The following TNIK variants were observed in gnomAD, a reference collection of about 807,000 sequenced individuals.
The protein encoded by TNIK is TRAF2 and NCK-interacting protein kinase.
A neutral mutation model predicts 191.3 loss-of-function variants in TNIK; 49 were observed. The ratio of observed to expected loss-of-function variants is 0.26; its 90% CI spans 0.20 to 0.32. TNIK has a LOEUF of 0.32. TNIK is among the 10% of genes least tolerant of loss of function. The pLI is 1.00. For missense variants in TNIK, 1,155 were observed against 1,702.3 expected (o/e 0.68, Z 5.66); for synonymous variants, 594 against 600.9 (o/e 0.99, Z 0.17).
rs952048412 is a variant in TNIK at position 171,402,448 on chromosome 3, G to A, written c.58-32763C>T. Among the ~76,000 whole-genome samples the A allele has an allele frequency of 3.9e-5, 6 of 152,148 alleles. No individual in the cohort carries two copies. In the East Asian group the frequency reaches 7.7e-4, roughly 20 times the overall value. On this transcript the variant is annotated intron_variant, in intron 1 of 32. Transcript: ENST00000436636. ...TTTCACAATGCTAGTTGTGGGTCTC[G>A]AATTTGGCTGTGAACCACCTGGCAG...
intron 11 of TNIK, among the ~76,000 whole-genome samples, chr3:171,158,929 C>T (rs777002594): frequency 6.6e-6 from 1 of 152,096 alleles, no homozygotes; most frequent in Non-Finnish European, 1.5e-5. Context: ...AACAGGGGTG[C>T]ACCCTATTTT....
At chr3:171,411,613 G>C (rs1444400540) in intron 1 of TNIK, among the ~76,000 whole-genome samples, 1 of 152,138 alleles carries the variant, frequency 6.6e-6, no homozygotes, top group East Asian at 1.9e-4. Flanking sequence ...GAAATGAATA[G>C]ATAATTATGC....
intron 1 of TNIK, among the ~76,000 whole-genome samples, chr3:171,446,410 A>C (rs933022839): frequency 1.3e-5 from 2 of 152,220 alleles, no homozygotes; most frequent in Non-Finnish European, 2.9e-5. Context: ...AACCATATTC[A>C]TGTGAAGCCC....
intron 17 of TNIK, among the ~76,000 whole-genome samples, chr3:171,124,935 A>G (rs1728267456): frequency 6.6e-6 from 1 of 151,888 alleles, no homozygotes; most frequent in African/African-American, 2.4e-5. Context: ...CTCCCTATGT[A>G]CCCTTTTTTT....
chr3:171,450,956 T>A (rs143985995), intron 1 of TNIK, among the ~76,000 whole-genome samples: 154 of 152,298 alleles, frequency 1.0e-3, no homozygotes, highest in African/African-American at 3.4e-3. Context: ...GCCTTAAAGA[T>A]AATAAAGCAC....
intron 3 of TNIK, among the ~76,000 whole-genome samples, chr3:171,214,248 C>A (rs1741197132): frequency 6.6e-6 from 1 of 151,440 alleles, no homozygotes; most frequent in South Asian, 2.1e-4. Context: ...CTCATTTAAC[C>A]ATGTCACAAA....
intron 18 of TNIK, among the ~76,000 whole-genome samples, chr3:171,113,661 C>G (rs1465350587): frequency 1.3e-5 from 2 of 150,848 alleles, no homozygotes; most frequent in African/African-American, 4.9e-5. Context: ...GGCTACTACT[C>G]CCATTAAAAA....
chr3:171,166,731 A>G (rs570142013), intron 10 of TNIK, among the ~76,000 whole-genome samples: 3 of 152,236 alleles, frequency 2.0e-5, no homozygotes, highest in Non-Finnish European at 2.9e-5. Flanking sequence ...AATGTCAACT[A>G]GATGAATTTT....
intron 1 of TNIK, among the ~76,000 whole-genome samples, chr3:171,417,604 T>A (rs755244040): frequency 5.3e-5 from 8 of 152,318 alleles, no homozygotes; most frequent in South Asian, 2.1e-4. Context: ...TAAATTTCCA[T>A]TTCTATTTGT....
At chr3:171,263,481 T>C (rs1747933308) in intron 2 of TNIK, among the ~76,000 whole-genome samples, 1 of 151,228 alleles carries the variant, frequency 6.6e-6, no homozygotes, top group Non-Finnish European at 1.5e-5. Flanking sequence ...AAGGAGGGGG[T>C]TTTCAAATTT....
chr3:171,163,194 GCTCA>G (rs1383653991), intron 10 of TNIK, among the ~76,000 whole-genome samples: 3 of 152,146 alleles, frequency 2.0e-5, no homozygotes, highest in African/African-American at 4.8e-5. Flanking sequence ...GGATGAAATG[GCTCA>G]CTGATTCTTA....
chr3:171,159,044 A>G lies in TNIK; in HGVS notation c.1017-1380T>C, dbSNP rs1225744985. On this transcript the variant is annotated intron_variant, in intron 11 of 32. Transcript: ENST00000436636. The surrounding 1 kb of genome is among the most constrained non-coding windows in gnomAD (Gnocchi z 4.1). ...AGGTGCGGGGCCGCGACAGCCATGC[A>G]GGCACGGGAAGGTTTTATGCAGAAG... 6.6e-6 allele frequency among the ~76,000 whole-genome samples: 1 copy of G among 152,154 alleles called. No homozygotes were observed. Among genetic ancestry groups the G allele is most frequent in the Non-Finnish European group, 1.5e-5 (1 of 68,028 alleles).
At position 171,333,167 on chromosome 3, in the gene TNIK, A is replaced by AGT. The variant is rs752280366; in HGVS notation, c.123+36451_123+36452dup. 2.8e-4 allele frequency among the ~76,000 whole-genome samples: 42 copies of AGT among 151,534 alleles called. No individual in the cohort carries two copies. The East Asian group carries it at 3.5e-3, about 13-fold the overall frequency. On this transcript the variant is annotated intron_variant, in intron 2 of 32. Transcript: ENST00000436636. ...ATAGTTGGTGTTGGGGGTGGGAGGG[A>AGT]GTGTGTGTGTGTGTCTCTTTTTAAT...
intron 12 of TNIK, among the ~76,000 whole-genome samples, chr3:171,150,114 G>C (rs1312745196): frequency 6.6e-6 from 1 of 152,154 alleles, no homozygotes; most frequent in Non-Finnish European, 1.5e-5. Flanking sequence ...CACTGTACTT[G>C]CCTAGGCTTC....
At position 171,090,769 on chromosome 3, in the gene TNIK, T is replaced by C. The variant is rs181068559; in HGVS notation, c.2721+3070A>G. The stretch of plus-strand genomic sequence containing the variant: ...AGTAAAAAGTGGTCCTGTGGGGCTA[T>C]AGGACAGGGATAGGTAGAACCACAG... On this transcript the variant is annotated intron_variant, in intron 23 of 32. Transcript: ENST00000436636. Among the ~76,000 whole-genome samples the C allele has an allele frequency of 4.1e-4, 62 of 152,260 alleles. No homozygotes were observed. The East Asian group carries it at 7.2e-3, about 18-fold the overall frequency.
chr3:171,299,415 CTTG>C (rs61547438), intron 2 of TNIK, among the ~76,000 whole-genome samples: 6,952 of 152,174 alleles, frequency 0.046, 500 homozygotes, highest in African/African-American at 0.16. Context: ...TTCATTTGGG[CTTG>C]TTGTTGCCTT....
intron 1 of TNIK, among the ~76,000 whole-genome samples, chr3:171,382,112 T>C (rs1718107848): frequency 6.6e-6 from 1 of 152,212 alleles, no homozygotes; most frequent in African/African-American, 2.4e-5. Context: ...TGTTCAGATA[T>C]TTTTATTCAT....
chr3:171,406,216 C>G (rs1331927486), intron 1 of TNIK, among the ~76,000 whole-genome samples: 1 of 152,094 alleles, frequency 6.6e-6, no homozygotes, highest in African/African-American at 2.4e-5. Context: ...GTCCCTGTTG[C>G]CAGCACACAT....
At chr3:171,188,305 C>T (rs1355251965) in intron 7 of TNIK, among the ~76,000 whole-genome samples, 1 of 152,082 alleles carries the variant, frequency 6.6e-6, no homozygotes, top group Non-Finnish European at 1.5e-5. Flanking sequence ...AGATTATTCT[C>T]AATCAGAAAA....
Sources: gnomAD v4.1 joint callset for allele counts (sites outside exome capture counted in the v4.1 genomes callset) on GRCh38, gnomAD v4.1.1 for gene constraint, Gnocchi (gnomAD v3.1) non-coding constraint, MANE v1.5 for transcripts, NCBI Gene and HGNC (gene_info 2026-07-23, HGNC 2026-07-21) for gene names.